TERF1: variants seen among roughly 807,000 people sequenced by gnomAD.
TERF1 encodes telomeric repeat binding factor 1.
In TERF1, 20 loss-of-function variants were observed where a neutral mutation model predicts 55.1. That is an observed-to-expected ratio of 0.36 (90% CI 0.26 to 0.53). The LOEUF is 0.53. Ranked by LOEUF, TERF1 falls within the 20% of genes least tolerant of loss-of-function variation. The pLI is 0.91. For missense variants in TERF1, 439 were observed against 535.7 expected (o/e 0.82, Z 1.78); for synonymous variants, 168 against 181.2 (o/e 0.93, Z 0.59).
chr8:73,033,621 C>T (rs1298250752), intron 8 of TERF1, among the ~76,000 whole-genome samples: 1 of 152,130 alleles, frequency 6.6e-6, no homozygotes, highest in African/African-American at 2.4e-5. Flanking sequence ...GTAATGCCAG[C>T]TACTCAGGAG....
At chr8:73,013,485 T>C (rs1808360957) in intron 1 of TERF1, among the ~76,000 whole-genome samples, 1 of 152,188 alleles carries the variant, frequency 6.6e-6, no homozygotes, top group South Asian at 2.1e-4. Flanking sequence ...GGGAGGTTAA[T>C]ATTAATAGGT....
chr8:73,039,770 G>GGTGTGTGT (rs35184446), intron 9 of TERF1, among the ~76,000 whole-genome samples: 1,871 of 136,422 alleles, frequency 0.014, 14 homozygotes, highest in Non-Finnish European at 0.017. Flanking sequence ...TTGTTTTTGT[G>GGTGTGTGT]GTGTGTGTGT....
At chr8:73,044,268 G>A (rs1809946357) in intron 9 of TERF1, among the ~76,000 whole-genome samples, 1 of 152,152 alleles carries the variant, frequency 6.6e-6, no homozygotes, top group Non-Finnish European at 1.5e-5. Context: ...GTGTGCTGCA[G>A]ACAAACAAAA....
intron 8 of TERF1, among the ~76,000 whole-genome samples, chr8:73,036,264 G>C (rs1377709608): frequency 6.6e-6 from 1 of 152,168 alleles, no homozygotes; most frequent in Admixed American, 6.5e-5. Flanking sequence ...TCCTTGACCT[G>C]CTTAATTGCC....
intron 6 of TERF1, 55 bp from the exon 7 acceptor site, chr8:73,030,281 C>A: frequency 1.0e-5 from 12 of 1,156,460 alleles, no homozygotes; most frequent in Non-Finnish European, 1.3e-5. Context: ...AAAGTACTAT[C>A]CTTATGAAAA....
At chr8:73,020,260 G>A (rs1374120339) in intron 2 of TERF1, among the ~76,000 whole-genome samples, 3 of 152,056 alleles carry the variant, frequency 2.0e-5, no homozygotes, top group Non-Finnish European at 2.9e-5. Flanking sequence ...CTTAATAATA[G>A]TACAACTATT....
chr8:73,028,935 T>G (rs969399567), intron 6 of TERF1, among the ~76,000 whole-genome samples: 6 of 152,222 alleles, frequency 3.9e-5, no homozygotes, highest in Non-Finnish European at 8.8e-5. Context: ...CTTGGTATCC[T>G]TGTTGCCTCA....
chr8:73,034,313 G>A (rs1444428489), intron 8 of TERF1, among the ~76,000 whole-genome samples: 4 of 151,848 alleles, frequency 2.6e-5, no homozygotes, highest in Non-Finnish European at 4.4e-5. Flanking sequence ...TGTATTTTTA[G>A]TAGAGACGGG....
At position 73,026,914 on chromosome 8, in the gene TERF1, T is replaced by G. The variant is rs56091301; in HGVS notation, c.775-26T>G. 230 of 1,568,262 alleles carry G rather than the reference T, an allele frequency of 1.5e-4. 1 individual carries two copies. The African/African-American group carries it at 2.9e-3, about 20-fold the overall frequency. ...TGGCTTAATGCATTTCTTCCTATCC[T>G]TCTACCTCCACGCACGTTTTTTAAG... is the stretch of plus-strand genomic sequence containing the variant. On this transcript the variant is annotated intron_variant, in intron 5 of 9. Transcript: ENST00000276603.
chr8:73,016,535 T>G (rs997041476), intron 2 of TERF1, among the ~76,000 whole-genome samples: 2 of 151,538 alleles, frequency 1.3e-5, no homozygotes, highest in African/African-American at 4.9e-5. Context: ...TGAGCTCAAG[T>G]GATCCTCCTG....
intron 7 of TERF1, chr8:73,030,702 C>G (rs1809246735): frequency 4.3e-6 from 1 of 232,072 alleles, no homozygotes; most frequent in African/African-American, 2.2e-5. Context: ...AGATATGATA[C>G]TGGGGCAGGA....
chr8:73,038,427 C>T (rs1809694887), intron 8 of TERF1, among the ~76,000 whole-genome samples: 1 of 151,920 alleles, frequency 6.6e-6, no homozygotes, highest in African/African-American at 2.4e-5. Flanking sequence ...CACTGCACTT[C>T]AGCCTAGGCA....
At chr8:73,022,163 A>T in intron 3 of TERF1, 53 bp from the exon 4 acceptor site, 1 of 1,083,068 alleles carries the variant, frequency 9.2e-7, no homozygotes, top group Non-Finnish European at 1.3e-6. Context: ...ATAATTAAAT[A>T]ACTATTGGGT....
In TERF1 at chr8:73,030,122, A is replaced by C. The variant is rs10107605; in HGVS notation, c.888-214A>C. 0.11 allele frequency: 40,438 copies of C among 375,148 alleles called. 2,539 individuals carry two copies. Among genetic ancestry groups the C allele is most frequent in the Middle Eastern group, 0.16 (235 of 1,470 alleles). 23.2% of individuals were successfully genotyped at this position (375,148 alleles called of 1,614,324 possible). A position where few individuals can be genotyped will look rare whatever the true frequency, so the allele number is the denominator to read the frequency against. ...CTTGACTACACCATTAATTATGCTT[A>C]TGTTTGGAGAAACTTGGTTTAATAC... On this transcript the variant is annotated intron_variant, in intron 6 of 9. Coordinates refer to ENST00000276603, the MANE Select transcript of TERF1 (RefSeq NM_017489.3).
At chr8:73,016,693 T>C (rs1808521850) in intron 2 of TERF1, among the ~76,000 whole-genome samples, 1 of 152,080 alleles carries the variant, frequency 6.6e-6, no homozygotes. Context: ...CTCCCAAAAC[T>C]CTGGGAGACT....
chr8:73,009,344 C>T, intron 1 of TERF1, 139 bp downstream of exon 1: 2 of 791,406 alleles, frequency 2.5e-6, no homozygotes, highest in Non-Finnish European at 3.9e-6. Flanking sequence ...AGGCTCCGGG[C>T]TGAACTTTGT....
At position 73,026,943 on chromosome 8, in the gene TERF1, G is replaced by A; in HGVS notation, c.778G>A (p.Ala260Thr). The A allele has an allele frequency of 1.2e-6, 2 of 1,610,572 alleles. No individual in the cohort carries two copies. Among genetic ancestry groups the A allele is most frequent in the Non-Finnish European group, 1.7e-6 (2 of 1,179,394 alleles). ...ACCTCCACGCACGTTTTTTAAGGCA[G>A]CGGCAAAAGTAGTAGAAAGCAAAAG... ...EKSSTFLMKA[A>T]AKVVESKRTR... is the part of the protein sequence containing the mutation. Residue 260 changes from alanine to threonine, a missense_variant, in exon 6 of 10, where the codon GCG (alanine) becomes ACG (threonine). Around this residue, in one of 4 missense-constraint regions of TERF1, gnomAD observed 140 missense variants for 158.6 expected, o/e 0.88. Transcript: ENST00000276603.
chr8:73,025,558 A>G (rs984715546), intron 5 of TERF1, among the ~76,000 whole-genome samples: 3 of 151,682 alleles, frequency 2.0e-5, no homozygotes, highest in Admixed American at 6.6e-5. Context: ...TCACACGGTC[A>G]GGTGGCTAAC....
intron 8 of TERF1, 112 bp from the exon 9 acceptor site, chr8:73,039,004 C>A: frequency 2.3e-6 from 2 of 874,922 alleles, no homozygotes; most frequent in Non-Finnish European, 3.4e-6. Context: ...TAAACATGTA[C>A]TTTTTCTTAG....
Sources: allele counts gnomAD v4.1 joint callset (sites outside exome capture counted in the v4.1 genomes callset), GRCh38; gene constraint gnomAD v4.1.1; regional missense constraint gnomAD v4.1.1; transcripts MANE v1.5; gene names NCBI Gene and HGNC (gene_info 2026-07-23, HGNC 2026-07-21).